CDH13: variants seen among roughly 807,000 people sequenced by gnomAD.
CDH13 encodes cadherin 13.
A neutral mutation model predicts 63.8 loss-of-function variants in CDH13; 24 were observed. The ratio of observed to expected loss-of-function variants is 0.38; its 90% CI spans 0.27 to 0.53. CDH13 has a LOEUF of 0.53. CDH13 is among the 20% of genes least tolerant of loss of function. The probability of loss-of-function intolerance (pLI) is 0.85; values close to 1 mark genes in which losing one functional copy is unlikely to be tolerated. For synonymous variants in CDH13, 503 were observed against 355.3 expected, an observed-to-expected ratio of 1.42 and a Z score of -4.67; for missense variants, 1,049 against 903.1, an observed-to-expected ratio of 1.16 and a Z score of -2.07.
chr16:83,787,670 C>T (rs540098405), intron 13 of CDH13, among the ~76,000 whole-genome samples: 5 of 152,222 alleles, frequency 3.3e-5, no homozygotes, highest in East Asian at 1.9e-4. Context: ...CAGCTAGGTG[C>T]GGTGGCTCAC....
At chr16:83,119,202 C>T (rs2035451573) in intron 3 of CDH13, among the ~76,000 whole-genome samples, 1 of 152,178 alleles carries the variant, frequency 6.6e-6, no homozygotes, top group African/African-American at 2.4e-5. Flanking sequence ...TTTTCTGCTA[C>T]GCTGACTAAA....
At chr16:83,123,008 C>T (rs183820574) in intron 3 of CDH13, among the ~76,000 whole-genome samples, 88 of 152,204 alleles carry the variant, frequency 5.8e-4, no homozygotes, top group African/African-American at 2.0e-3. Context: ...GAGCTCCCAC[C>T]AAAAAGTGAA....
intron 8 of CDH13, among the ~76,000 whole-genome samples, chr16:83,603,780 TGGG>T (rs1172217601): frequency 6.6e-6 from 1 of 152,118 alleles, no homozygotes; most frequent in Non-Finnish European, 1.5e-5. Flanking sequence ...TACCTAAGAC[TGGG>T]TAATTTACAA....
chr16:82,672,154 G>C (rs917872885), intron 1 of CDH13, among the ~76,000 whole-genome samples: 43 of 152,196 alleles, frequency 2.8e-4, no homozygotes, highest in African/African-American at 1.0e-3. Flanking sequence ...CTGTGAGTTT[G>C]AGCAAGGTAT....
chr16:83,755,745 T>G (rs1913453982), intron 11 of CDH13, among the ~76,000 whole-genome samples: 1 of 126,380 alleles, frequency 7.9e-6, no homozygotes, highest in South Asian at 2.6e-4. Flanking sequence ...TAAAGACTTT[T>G]GGGGCAAAAA....
chr16:83,153,454 T>C (rs2037076713), intron 4 of CDH13, among the ~76,000 whole-genome samples: 1 of 152,194 alleles, frequency 6.6e-6, no homozygotes, highest in South Asian at 2.1e-4. Context: ...ATTTCTAATC[T>C]TGTGGCTAAT....
chr16:82,772,057 G>A (rs2035289937), intron 1 of CDH13, among the ~76,000 whole-genome samples: 1 of 152,216 alleles, frequency 6.6e-6, no homozygotes, highest in South Asian at 2.1e-4. Flanking sequence ...CAGCCTTTTG[G>A]AAAAAGACAC....
chr16:82,843,752 A>G (rs1258950681), intron 1 of CDH13, among the ~76,000 whole-genome samples: 1 of 152,236 alleles, frequency 6.6e-6, no homozygotes, highest in African/African-American at 2.4e-5. Context: ...TGAGAGCTGC[A>G]CAGTTGGAAT....
chr16:83,084,043 C>A (rs1379489949), intron 3 of CDH13, among the ~76,000 whole-genome samples: 1 of 152,168 alleles, frequency 6.6e-6, no homozygotes, highest in East Asian at 1.9e-4. Context: ...CACTTTGTGG[C>A]CACATGAACT....
At chr16:83,624,330 G>T (rs1337488036) in intron 8 of CDH13, among the ~76,000 whole-genome samples, 1 of 150,940 alleles carries the variant, frequency 6.6e-6, no homozygotes, top group African/African-American at 2.4e-5. Flanking sequence ...AGGAAATGAT[G>T]AGATAACGCC....
At chr16:83,422,434 G>C (rs1459885219) in intron 6 of CDH13, among the ~76,000 whole-genome samples, 1 of 152,150 alleles carries the variant, frequency 6.6e-6, no homozygotes, top group African/African-American at 2.4e-5. Flanking sequence ...AAAGAATGCT[G>C]GCTGCAGAGG....
At position 82,656,744 on chromosome 16, in the gene CDH13, C is replaced by T. The variant is rs57738138; in HGVS notation, c.45+29607C>T. On this transcript the variant is annotated intron_variant, in intron 1 of 13. Transcript: ENST00000567109. ...TGCTCTGCCTATTTGCCTACCCACT[C>T]CCTTCTCCCTAACCCCTGGCAATCC... Among the ~76,000 whole-genome samples, 35 of 152,286 alleles carry T rather than the reference C, an allele frequency of 2.3e-4. No individual in the cohort carries two copies. In the East Asian group the frequency reaches 6.0e-3, roughly 26 times the overall value.
intron 4 of CDH13, among the ~76,000 whole-genome samples, chr16:83,204,940 T>A (rs113877398): frequency 6.6e-4 from 101 of 152,352 alleles, no homozygotes; most frequent in African/African-American, 2.3e-3. Context: ...GTGACACATA[T>A]CACTTTCACT....
intron 5 of CDH13, among the ~76,000 whole-genome samples, chr16:83,329,469 T>G (rs1366680727): frequency 1.3e-5 from 2 of 151,636 alleles, no homozygotes; most frequent in African/African-American, 4.9e-5. Flanking sequence ...ACTCCTGACC[T>G]CAGGTGATGT....
chr16:82,773,832 G>A (rs2035369765), intron 1 of CDH13, among the ~76,000 whole-genome samples: 1 of 150,214 alleles, frequency 6.7e-6, no homozygotes, highest in Admixed American at 6.7e-5. Context: ...CACCCAGGCT[G>A]GAGTGCAATT....
intron 4 of CDH13, chr16:83,180,784 G>A (rs1410965306): frequency 5.5e-6 from 5 of 902,914 alleles, no homozygotes; most frequent in South Asian, 1.5e-5. Context: ...AACAAAGGCT[G>A]CTTAATCCAT....
intron 6 of CDH13, among the ~76,000 whole-genome samples, chr16:83,442,900 A>G (rs1203921556): frequency 6.6e-6 from 1 of 152,252 alleles, no homozygotes; most frequent in Non-Finnish European, 1.5e-5. Flanking sequence ...TTATTTACTG[A>G]AAAATAAAAT....
intron 4 of CDH13, among the ~76,000 whole-genome samples, chr16:83,153,852 C>G (rs564521423): frequency 2.0e-5 from 3 of 152,116 alleles, no homozygotes; most frequent in Middle Eastern, 3.2e-3. Flanking sequence ...GAAACTAATA[C>G]AATGGTCATT....
At chr16:82,793,259 AG>A (rs1284819997) in intron 1 of CDH13, among the ~76,000 whole-genome samples, 1 of 152,184 alleles carries the variant, frequency 6.6e-6, no homozygotes, top group African/African-American at 2.4e-5. Context: ...TGAGAAGACA[AG>A]GTGTGCAGAC....
Sources: gnomAD v4.1 joint callset for allele counts (sites outside exome capture counted in the v4.1 genomes callset) on GRCh38, gnomAD v4.1.1 for gene constraint, MANE v1.5 for transcripts, NCBI Gene and HGNC (gene_info 2026-07-23, HGNC 2026-07-21) for gene names.